The following FBXO25 variants were observed in gnomAD, a reference collection of about 807,000 sequenced individuals.
FBXO25 encodes the protein F-box protein 25, also known as F-box only protein 25.
FBXO25 carries 45 observed loss-of-function variants against 51.9 expected under a neutral mutation model. The ratio of observed to expected loss-of-function variants is 0.87; its 90% CI spans 0.68 to 1.11. The LOEUF (loss-of-function observed/expected upper bound fraction) is 1.11, where lower values mean the gene tolerates loss of function less well. Among genes scored for constraint, FBXO25 ranks in the 50% most tolerant of loss-of-function variants. FBXO25 has a pLI of 0.00. For missense variants in FBXO25, 507 were observed against 428.5 expected, an observed-to-expected ratio of 1.18 and a Z score of -1.62; for synonymous variants, 199 against 151.0, an observed-to-expected ratio of 1.32 and a Z score of -2.33.
At chr8:440,095 C>T (rs4735985) in intron 5 of FBXO25, among the ~76,000 whole-genome samples, 2,272 of 152,236 alleles carry the variant, frequency 0.015, 32 homozygotes, top group Middle Eastern at 0.027. Context: ...GGCGGGGACT[C>T]GAGGGTGAGG....
chr8:420,693 A>G (rs1197352909), intron 2 of FBXO25, among the ~76,000 whole-genome samples: 1 of 152,234 alleles, frequency 6.6e-6, no homozygotes, highest in Admixed American at 6.5e-5. Flanking sequence ...AGGCGTCCAT[A>G]CTGTATGATT....
chr8:463,693 C>T (rs1799962844), intron 9 of FBXO25, among the ~76,000 whole-genome samples: 1 of 152,388 alleles, frequency 6.6e-6, no homozygotes, highest in East Asian at 1.9e-4. Flanking sequence ...CTTAACAAGA[C>T]TATCGTTACT....
intron 2 of FBXO25, among the ~76,000 whole-genome samples, chr8:419,956 C>G (rs1384555854): frequency 6.6e-6 from 1 of 152,098 alleles, no homozygotes; most frequent in Admixed American, 6.5e-5. Flanking sequence ...GCAATAGTTT[C>G]GGTGAACCTG....
At chr8:445,534 T>A (rs866470790) in intron 5 of FBXO25, among the ~76,000 whole-genome samples, 1 of 152,222 alleles carries the variant, frequency 6.6e-6, no homozygotes, top group African/African-American at 2.4e-5. Context: ...AAAACACTTT[T>A]AAAAATATTT....
Position 477,920 on chromosome 8 carries a change from T to C in FBXO25, c.*9116T>C. 1 of 152,262 alleles carries C rather than the reference T, an allele frequency of 6.6e-6. No individual in the cohort carries two copies. The highest frequency in any genetic ancestry group is 1.5e-5 in the Non-Finnish European group (1 of 68,048). The allele number at this position is 152,262 out of a possible 1,614,324, so 9.4% of individuals were successfully genotyped here. A position where few individuals can be genotyped will look rare whatever the true frequency, so the allele number is the denominator to read the frequency against. On this transcript the variant is annotated 3_prime_UTR_variant, in exon 10 of 10. Coordinates refer to ENST00000350302, the MANE Select transcript of FBXO25 (RefSeq NM_183420.2). ...GTATTTCACTTGCCAACCTGATTTA[T>C]ACTTTTGTATCTATTTGACATTTTC...
At chr8:443,605 G>C (rs531766166) in intron 5 of FBXO25, among the ~76,000 whole-genome samples, 2 of 151,140 alleles carry the variant, frequency 1.3e-5, no homozygotes, top group South Asian at 4.2e-4. Flanking sequence ...CTTGTGAGCT[G>C]TAGGAGGGGC....
chr8:430,486 G>A (rs2117605812), intron 2 of FBXO25, among the ~76,000 whole-genome samples: 1 of 152,162 alleles, frequency 6.6e-6, no homozygotes, highest in African/African-American at 2.4e-5. Flanking sequence ...GTGGAAAGGG[G>A]CTTGTGTACA....
intron 2 of FBXO25, among the ~76,000 whole-genome samples, chr8:417,207 A>G (rs932699772): frequency 6.6e-6 from 1 of 152,142 alleles, no homozygotes; most frequent in Non-Finnish European, 1.5e-5. Flanking sequence ...CATAGTAAGG[A>G]CTTGGGCTTT....
intron 5 of FBXO25, among the ~76,000 whole-genome samples, chr8:442,211 T>A (rs539750416): frequency 6.6e-6 from 1 of 152,272 alleles, no homozygotes; most frequent in African/African-American, 2.4e-5. Context: ...AGGCACTTGT[T>A]ATTCCTAAAA....
At chr8:455,149 A>G (rs1438730242) in intron 7 of FBXO25, among the ~76,000 whole-genome samples, 4 of 152,150 alleles carry the variant, frequency 2.6e-5, no homozygotes, top group African/African-American at 9.7e-5. Flanking sequence ...TGTTATGCCA[A>G]ATGTGTGGAC....
chr8:439,283 C>A (rs962182436), intron 5 of FBXO25, among the ~76,000 whole-genome samples: 2 of 152,196 alleles, frequency 1.3e-5, no homozygotes, highest in African/African-American at 4.8e-5. Flanking sequence ...GACAGCCAGG[C>A]ACGAACAGCC....
intron 9 of FBXO25, chr8:468,396 T>C: frequency 1.7e-5 from 9 of 542,540 alleles, no homozygotes; most frequent in Non-Finnish European, 2.1e-5. Flanking sequence ...GTTTCTTCTG[T>C]GGCCTTGTAG....
intron 2 of FBXO25, among the ~76,000 whole-genome samples, chr8:419,741 C>T (rs1449046918): frequency 6.6e-6 from 1 of 152,134 alleles, no homozygotes; most frequent in East Asian, 1.9e-4. Flanking sequence ...TCTGCATGAT[C>T]TTGGGCAGAG....
intron 2 of FBXO25, among the ~76,000 whole-genome samples, chr8:427,257 T>C (rs1347528742): frequency 2.6e-5 from 4 of 151,938 alleles, no homozygotes; most frequent in Admixed American, 2.6e-4. Flanking sequence ...ACAGAAGAGG[T>C]GCAGCCAAAT....
chr8:421,633 A>G (rs149518151), intron 2 of FBXO25, among the ~76,000 whole-genome samples: 9,618 of 152,258 alleles, frequency 0.063, 324 homozygotes, highest in Middle Eastern at 0.085. Context: ...ATGTGGGTCT[A>G]TGCATGTGTG....
chr8:413,860 T>C (rs551764505), intron 2 of FBXO25, among the ~76,000 whole-genome samples: 9 of 152,264 alleles, frequency 5.9e-5, no homozygotes, highest in Non-Finnish European at 1.0e-4. Context: ...GGCCCAGCCA[T>C]GTGTCCAGAT....
chr8:421,140 T>C (rs1382674814), intron 2 of FBXO25, among the ~76,000 whole-genome samples: 2 of 152,228 alleles, frequency 1.3e-5, no homozygotes, highest in Non-Finnish European at 2.9e-5. Flanking sequence ...AGCAGCAGCA[T>C]TAGATTCTCA....
At chr8:463,961 T>TA (rs1315084028) in intron 9 of FBXO25, among the ~76,000 whole-genome samples, 2 of 146,192 alleles carry the variant, frequency 1.4e-5, no homozygotes, top group African/African-American at 5.3e-5. Flanking sequence ...GCTAATTCAC[T>TA]TCTTTTTTTT....
At position 474,519 on chromosome 8, in the gene FBXO25, G is replaced by A. The variant is rs1800585037; in HGVS notation, c.*5715G>A. On this transcript the variant is annotated 3_prime_UTR_variant, in exon 10 of 10. Transcript: ENST00000350302. Reference sequence around the variant, plus strand: ...TGCACCATTTTACATTCCCACTGAAGGTTCCAGTTTTGCCACATCCTTGCC... The same window carrying A: ...TGCACCATTTTACATTCCCACTGAAAGTTCCAGTTTTGCCACATCCTTGCC... 2.9e-6 allele frequency: 1 copy of A among 342,946 alleles called. No homozygotes were observed. The highest frequency in any genetic ancestry group is 2.2e-5 in the African/African-American group (1 of 45,896). The allele number at this position is 342,946 out of a possible 1,614,324, so 21.2% of individuals were successfully genotyped here.
Sources: allele counts gnomAD v4.1 joint callset (sites outside exome capture counted in the v4.1 genomes callset), GRCh38; gene constraint gnomAD v4.1.1; transcripts MANE v1.5; gene names NCBI Gene and HGNC (gene_info 2026-07-23, HGNC 2026-07-21).